Variants in DLG3 observed in about 807,000 individuals in gnomAD.
The protein encoded by DLG3 is discs large MAGUK scaffold protein 3, also known as disks large homolog 3.
A neutral mutation model predicts 64.1 loss-of-function variants in DLG3; 1 was observed. That is an observed-to-expected ratio of 0.02 (90% CI 0.01 to 0.07). The LOEUF (loss-of-function observed/expected upper bound fraction) is 0.07. Ranked by LOEUF, DLG3 falls within the 10% of genes least tolerant of loss-of-function variation. The pLI is 1.00. For missense variants in DLG3, 429 were observed against 669.5 expected (o/e 0.64, Z 3.96); for synonymous variants, 245 against 259.8 (o/e 0.94, Z 0.55).
chrX:70,480,806 A>G (rs1016055428), intron 10 of DLG3, among the ~76,000 whole-genome samples: 18 of 111,867 alleles, frequency 1.6e-4, no homozygotes, highest in Admixed American at 1.3e-3. Flanking sequence ...GGAGAGCTTT[A>G]TTTTTAGATT....
At chrX:70,462,994 T>C (rs2086830846) in intron 9 of DLG3, among the ~76,000 whole-genome samples, 1 of 111,925 alleles carries the variant, frequency 8.9e-6, no homozygotes, top group African/African-American at 3.2e-5. Context: ...AGTAAAGCAC[T>C]CTGAATTTAG....
At chrX:70,486,455 A>C (rs4844227) in intron 10 of DLG3, among the ~76,000 whole-genome samples, 29,777 of 110,332 alleles carry the variant, frequency 0.27, 3,377 homozygotes, top group African/African-American at 0.41. Context: ...TTTTATCTTA[A>C]GTACAGAAGG....
Position 70,453,630 on chromosome X carries a change from C to T in DLG3, c.1146-7C>T, listed in dbSNP as rs2086653180. 1 of 1,208,619 alleles carries T rather than the reference C, an allele frequency of 8.3e-7. No individual in the cohort carries two copies. Among genetic ancestry groups the T allele is most frequent in the Non-Finnish European group, 1.1e-6 (1 of 894,024 alleles). On this transcript the variant is annotated splice_region_variant and splice_polypyrimidine_tract_variant and intron_variant, in intron 7 of 18. Transcript: ENST00000374360. ...TAGTCCTGACTCCTCCACTCCTTTC[C>T]CACCAGAGAGCCTCGCAAGATCATC...
Position 70,445,389 on chromosome X carries a change from C to T in DLG3, c.188C>T (p.Ala63Val). Reference sequence around the variant, plus strand: ...AGCTCGCAGACCTTGCCCTCGCAGGCGGGGGCCACCCCCACCCCTCGCACC... The same window carrying T: ...AGCTCGCAGACCTTGCCCTCGCAGGTGGGGGCCACCCCCACCCCTCGCACC... The part of the protein sequence containing the change: ...GYSSQTLPSQ[A>V]GATPTPRTKA... The change falls in exon 1 of 19, where the codon GCG (alanine) becomes GTG (valine). Residue 63 changes from alanine (A) to valine (V), a missense_variant. Transcript: ENST00000374360. 4.2e-6 allele frequency: 5 copies of T among 1,182,467 alleles called. No homozygotes were observed. The highest frequency in any genetic ancestry group is 5.7e-6 in the Non-Finnish European group (5 of 881,373).
intron 4 of DLG3, 133 bp from the exon 5 acceptor site, chrX:70,450,036 A>T: frequency 1.0e-6 from 1 of 995,985 alleles, no homozygotes; most frequent in Non-Finnish European, 1.4e-6. Flanking sequence ...ATGGCAGCTT[A>T]GCGTTTGGAT....
intron 6 of DLG3, among the ~76,000 whole-genome samples, chrX:70,451,519 G>A (rs952538208): frequency 7.1e-5 from 8 of 111,893 alleles, no homozygotes; most frequent in Non-Finnish European, 1.1e-4. Context: ...TAGGACTGCT[G>A]CAAGGATCAA....
At chrX:70,474,210 CA>C (rs1028093419) in intron 9 of DLG3, among the ~76,000 whole-genome samples, 1 of 111,748 alleles carries the variant, frequency 8.9e-6, no homozygotes, top group African/African-American at 3.3e-5. Flanking sequence ...GATACTTGGA[CA>C]GGGGGGCTAC....
chrX:70,479,529 C>G (rs773960318), intron 10 of DLG3, among the ~76,000 whole-genome samples: 1 of 112,076 alleles, frequency 8.9e-6, no homozygotes, highest in Non-Finnish European at 1.9e-5. Flanking sequence ...GTGATTGTTG[C>G]TAGTCAGCAT....
At chrX:70,451,809 G>A in intron 6 of DLG3, 58 bp from the exon 7 acceptor site, 1 of 1,190,719 alleles carries the variant, frequency 8.4e-7, no homozygotes, top group Non-Finnish European at 1.1e-6. Context: ...TCCTTGAGGA[G>A]TTTGGGGTAC....
chrX:70,476,381 C>T (rs780857543), intron 9 of DLG3, among the ~76,000 whole-genome samples: 4 of 111,161 alleles, frequency 3.6e-5, no homozygotes, highest in Non-Finnish European at 3.8e-5. Context: ...GCATTGGCTG[C>T]GATGGCTGTG....
intron 9 of DLG3, among the ~76,000 whole-genome samples, chrX:70,463,006 T>C (rs1304607302): frequency 1.8e-5 from 2 of 112,119 alleles, no homozygotes; most frequent in African/African-American, 6.5e-5. Flanking sequence ...TGAATTTAGC[T>C]GGTCAGGTGC....
At position 70,492,107 on chromosome X, in the gene DLG3, G is replaced by C; in HGVS notation, c.1521G>C (p.Arg507Ser). The C allele has an allele frequency of 8.5e-7, 1 of 1,176,942 alleles. No homozygotes were observed. The change falls in exon 11 of 19, where the codon AGG (arginine) becomes AGC (serine). Residue 507 changes from arginine (R) to serine (S), a missense_variant and splice_region_variant. Coordinates refer to ENST00000374360, the MANE Select transcript of DLG3 (RefSeq NM_021120.4). Reference protein sequence around the residue: ...RTSEKRSLYVRALFDYDRTRD... With the variant: ...RTSEKRSLYVSALFDYDRTRD... ...CTTCATCTTTCACTGTGCCTTTCAGGGCCCTGTTTGATTATGATCGGACTC... is the reference window on the plus strand; with the variant it reads ...CTTCATCTTTCACTGTGCCTTTCAGCGCCCTGTTTGATTATGATCGGACTC...
At chrX:70,495,357 C>T in intron 12 of DLG3, 51 bp from the exon 13 acceptor site, 7 of 1,131,074 alleles carry the variant, frequency 6.2e-6, no homozygotes, top group Non-Finnish European at 7.3e-6. Flanking sequence ...TTCCCCTTCC[C>T]CCCTCTTCTC....
At chrX:70,471,629 T>C (rs1301721066) in intron 9 of DLG3, among the ~76,000 whole-genome samples, 1 of 111,963 alleles carries the variant, frequency 8.9e-6, no homozygotes, top group African/African-American at 3.2e-5. Context: ...TTCTTCATTA[T>C]GGCTGATATT....
intron 1 of DLG3, among the ~76,000 whole-genome samples, chrX:70,445,879 G>A (rs2147765798): frequency 1.0e-5 from 1 of 98,432 alleles, no homozygotes; most frequent in South Asian, 5.3e-4. Flanking sequence ...GGCAGGGGGC[G>A]GGAGGTTCTG....
chrX:70,492,645 G>C, intron 12 of DLG3, 49 bp downstream of exon 12: 1 of 1,092,792 alleles, frequency 9.2e-7, no homozygotes, highest in South Asian at 1.9e-5. Flanking sequence ...AGAGGGTTGA[G>C]AAGCCTGGAG....
chrX:70,452,255 G>A, intron 7 of DLG3: 1 of 1,072,358 alleles, frequency 9.3e-7, no homozygotes, highest in Non-Finnish European at 1.2e-6. Context: ...CCGAGTGAGT[G>A]GCCCCGGTCC....
chrX:70,464,246 TCTTTCCTTTC>T (rs1318948068), intron 9 of DLG3, among the ~76,000 whole-genome samples: 3 of 104,335 alleles, frequency 2.9e-5, no homozygotes, highest in African/African-American at 1.1e-4. Flanking sequence ...CTTTCCTTTC[TCTTTCCTTTC>T]CTTTCCTTTC....
At chrX:70,484,545 T>A (rs1187995433) in intron 10 of DLG3, among the ~76,000 whole-genome samples, 1 of 111,387 alleles carries the variant, frequency 9.0e-6, no homozygotes, top group Non-Finnish European at 1.9e-5. Flanking sequence ...GGGGTGGGGA[T>A]AATATGTATT....
Sources: allele counts gnomAD v4.1 joint callset (sites outside exome capture counted in the v4.1 genomes callset), GRCh38; gene constraint gnomAD v4.1.1; transcripts MANE v1.5; gene names NCBI Gene and HGNC (gene_info 2026-07-23, HGNC 2026-07-21).